The following ZNF428 variants were observed in gnomAD, a reference collection of about 807,000 sequenced individuals.
ZNF428 encodes the protein enzyme-like protein PIT13.
Under a neutral mutation model 15.6 loss-of-function variants are expected in ZNF428, and 5 were observed. That is an observed-to-expected ratio of 0.32 (90% CI 0.17 to 0.67). ZNF428 has a LOEUF of 0.67. Ranked by LOEUF, ZNF428 falls within the 30% of genes least tolerant of loss-of-function variation. ZNF428 has a pLI of 0.73. For synonymous variants in ZNF428, 97 were observed against 102.2 expected, an observed-to-expected ratio of 0.95 and a Z score of 0.31; for missense variants, 237 against 256.0, an observed-to-expected ratio of 0.93 and a Z score of 0.51.
chr19:43,612,046 C>A lies in ZNF428; in HGVS notation c.76+2183G>T. Reference sequence around the variant, plus strand: ...ACACAGTTGGCCTGTGACAGGCAATCAGGTCATCGTCCACGGCTACCAGGT... The same window carrying A: ...ACACAGTTGGCCTGTGACAGGCAATAAGGTCATCGTCCACGGCTACCAGGT... On this transcript the variant is annotated intron_variant, in intron 2 of 2. Coordinates refer to ENST00000300811, the MANE Select transcript of ZNF428 (RefSeq NM_182498.4). This position sits in a 1 kb window ranked among gnomAD's most constrained non-coding sequence, Gnocchi z 4.2. The A allele has an allele frequency of 8.8e-7, 1 of 1,130,490 alleles. No individual in the cohort carries two copies. The highest frequency in any genetic ancestry group is 1.3e-6 in the Non-Finnish European group (1 of 778,310). The allele number at this position is 1,130,490 out of a possible 1,614,324, so 70.0% of individuals were successfully genotyped here.
chr19:43,613,709 G>A (rs1472039888), intron 2 of ZNF428: 6 of 1,551,310 alleles, frequency 3.9e-6, no homozygotes, highest in Non-Finnish European at 5.2e-6. Flanking sequence ...CCCCAGCAAG[G>A]AGAGACAGCG....
chr19:43,613,026 T>G (rs748184399), intron 2 of ZNF428: 1 of 1,550,260 alleles, frequency 6.5e-7, no homozygotes, highest in South Asian at 1.2e-5. Context: ...CACAGCAGAG[T>G]GAGAAGTCAC....
At position 43,612,793 on chromosome 19, in the gene ZNF428, A is replaced by G; in HGVS notation, c.76+1436T>C. ...CAGCCAAGTGTCAAACCCCGACTGG[A>G]ATTCCCTCCAAGGAGAAGAGTGACA... On this transcript the variant is annotated intron_variant, in intron 2 of 2. Transcript: ENST00000300811. This position sits in a 1 kb window ranked among gnomAD's most constrained non-coding sequence, Gnocchi z 4.2. The G allele has an allele frequency of 6.4e-7, 1 of 1,551,664 alleles. No individual in the cohort carries two copies. The highest frequency in any genetic ancestry group is 2.4e-5 in the East Asian group (1 of 40,920).
Position 43,612,792 on chromosome 19 carries a change from G to A in ZNF428, c.76+1437C>T, listed in dbSNP as rs1973316446. 12 of 1,551,606 alleles carry A rather than the reference G, an allele frequency of 7.7e-6. No individual in the cohort carries two copies. Among genetic ancestry groups the A allele is most frequent in the Non-Finnish European group, 1.0e-5 (12 of 1,146,974 alleles). On this transcript the variant is annotated intron_variant, in intron 2 of 2. Coordinates refer to ENST00000300811, the MANE Select transcript of ZNF428 (RefSeq NM_182498.4). The surrounding 1 kb of genome is among the most constrained non-coding windows in gnomAD (Gnocchi z 4.2). ...ACAGCCAAGTGTCAAACCCCGACTG[G>A]AATTCCCTCCAAGGAGAAGAGTGAC...
chr19:43,614,039 G>A (rs34163641), intron 2 of ZNF428, 190 bp downstream of exon 2: 394,857 of 1,551,878 alleles, frequency 0.25, 51,254 homozygotes, highest in South Asian at 0.27. Context: ...CAAGGAGAGC[G>A]ACCCCAGTCA....
rs1045685759 is a variant in ZNF428 at position 43,614,450 on chromosome 19, G to T, written c.-130-16C>A. ...GAGAGGGATGCTGGATAGGGGGAAA[G>T]GAAAGACCTGTGATGATTCAATAAA... On this transcript the variant is annotated splice_polypyrimidine_tract_variant and intron_variant, in intron 1 of 2. Transcript: ENST00000300811. 1.4e-6 allele frequency: 2 copies of T among 1,439,554 alleles called. No homozygotes were observed. The highest frequency in any genetic ancestry group is 2.9e-5 in the African/African-American group (2 of 69,736). The allele number at this position is 1,439,554 out of a possible 1,614,324, so 89.2% of individuals were successfully genotyped here. A position where few individuals can be genotyped will look rare whatever the true frequency, so the allele number is the denominator to read the frequency against.
At chr19:43,609,230 T>G (rs1973270588) in intron 2 of ZNF428, among the ~76,000 whole-genome samples, 1 of 152,172 alleles carries the variant, frequency 6.6e-6, no homozygotes, top group Non-Finnish European at 1.5e-5. Flanking sequence ...TACACAGCTC[T>G]GGCAGGAAAA....
In ZNF428 at chr19:43,612,872, C is replaced by T. The variant is rs1348847721; in HGVS notation, c.76+1357G>A. 17 of 1,551,636 alleles carry T rather than the reference C, an allele frequency of 1.1e-5. No homozygotes were observed. Among genetic ancestry groups the T allele is most frequent in the Middle Eastern group, 1.7e-4 (1 of 5,992 alleles). ...GAAGAGCTACGGTCAGATGATCATC[C>T]CCAGTAGGGAAAAGAGTTACAGCCC... is the stretch of plus-strand genomic sequence containing the variant. On this transcript the variant is annotated intron_variant, in intron 2 of 2. Coordinates refer to ENST00000300811, the MANE Select transcript of ZNF428 (RefSeq NM_182498.4). This position sits in a 1 kb window ranked among gnomAD's most constrained non-coding sequence, Gnocchi z 4.2.
At chr19:43,608,302 T>C (rs1348830148) in intron 2 of ZNF428, among the ~76,000 whole-genome samples, 195 bp from the exon 3 acceptor site, 1 of 152,142 alleles carries the variant, frequency 6.6e-6, no homozygotes, top group Admixed American at 6.5e-5. Context: ...CCCTGTATCT[T>C]TGTGTCAAGC....
intron 1 of ZNF428, among the ~76,000 whole-genome samples, chr19:43,615,406 A>G (rs1280253184): frequency 6.6e-6 from 1 of 152,072 alleles, no homozygotes; most frequent in Non-Finnish European, 1.5e-5. Context: ...TTTTTTAAAA[A>G]AATAAAAATA....
At chr19:43,611,365 G>A (rs1428819068) in intron 2 of ZNF428, among the ~76,000 whole-genome samples, 1 of 151,912 alleles carries the variant, frequency 6.6e-6, no homozygotes, top group Admixed American at 6.6e-5. Context: ...TGTCACCCAG[G>A]CTGGCGTGCA....
At chr19:43,614,490 C>A in intron 1 of ZNF428, 56 bp from the exon 2 acceptor site, 1 of 1,412,238 alleles carries the variant, frequency 7.1e-7, no homozygotes, top group Non-Finnish European at 9.2e-7. Context: ...TACATAGCAC[C>A]CATCCCCACC....
rs1444854633 is a variant in ZNF428, at chr19:43,607,979, G to T, written c.205C>A (p.Gln69Lys). ...CCACCACGGCCCCCGCCAAGGCGCTGCTTCACCTTGTAGCCAGGATCATAT... is the reference window on the plus strand; with the variant it reads ...CCACCACGGCCCCCGCCAAGGCGCTTCTTCACCTTGTAGCCAGGATCATAT... ...PEYDPGYKVK[Q>K]RLGGGRGGPS... is the part of the protein sequence containing the mutation. The change falls in exon 3 of 3, where the codon CAG (glutamine) becomes AAG (lysine). Residue 69 changes from glutamine to lysine, a missense_variant. Coordinates refer to ENST00000300811, the MANE Select transcript of ZNF428 (RefSeq NM_182498.4). This position sits in a 1 kb window ranked among gnomAD's most constrained non-coding sequence, Gnocchi z 5.1. 1.2e-6 allele frequency: 2 copies of T among 1,609,518 alleles called. No individual in the cohort carries two copies. The highest frequency in any genetic ancestry group is 8.5e-7 in the Non-Finnish European group (1 of 1,178,198).
intron 2 of ZNF428, 133 bp from the exon 3 acceptor site, chr19:43,608,240 TC>T: frequency 8.3e-7 from 1 of 1,200,948 alleles, no homozygotes; most frequent in Non-Finnish European, 1.2e-6. Flanking sequence ...ACCCTTCCCT[TC>T]CCCACAGATG....
chr19:43,612,656 A>G lies in ZNF428; in HGVS notation c.76+1573T>C. 6.4e-7 allele frequency: 1 copy of G among 1,551,464 alleles called. No homozygotes were observed. Among genetic ancestry groups the G allele is most frequent in the Non-Finnish European group, 8.7e-7 (1 of 1,146,982 alleles). ...AAAGAGTTACGGCCGGCCTAGAACCAGCAACAGGGAAAGGAGTGACAGCCA... is the reference window on the plus strand; with the variant it reads ...AAAGAGTTACGGCCGGCCTAGAACCGGCAACAGGGAAAGGAGTGACAGCCA... On this transcript the variant is annotated intron_variant, in intron 2 of 2. Coordinates refer to ENST00000300811, the MANE Select transcript of ZNF428 (RefSeq NM_182498.4). This position sits in a 1 kb window ranked among gnomAD's most constrained non-coding sequence, Gnocchi z 4.2.
At chr19:43,615,580 CTTAT>C (rs1264849277) in intron 1 of ZNF428, among the ~76,000 whole-genome samples, 1 of 151,316 alleles carries the variant, frequency 6.6e-6, no homozygotes, top group Non-Finnish European at 1.5e-5. Flanking sequence ...GTGGCATGTG[CTTAT>C]AGTCCCAGCT....
Position 43,608,635 on chromosome 19 carries a change from A to G in ZNF428, c.77-528T>C, listed in dbSNP as rs114009369. On this transcript the variant is annotated intron_variant, in intron 2 of 2. Transcript: ENST00000300811. ...GACAGAGTGAGACCTCACCACTTAA[A>G]AAGAATTTTTTTGGCCGGGCGCGGT... 8.0e-3 allele frequency: 1,209 copies of G among 151,454 alleles called. 11 individuals are homozygous for G. Among genetic ancestry groups the G allele is most frequent in the African/African-American group, 0.028 (1,148 of 40,880 alleles). 9.4% of individuals were successfully genotyped at this position (151,454 alleles called of 1,614,324 possible). A position where few individuals can be genotyped will look rare whatever the true frequency, so the allele number is the denominator to read the frequency against.
At chr19:43,613,668 G>A (rs1396703274) in intron 2 of ZNF428, 2 of 1,549,894 alleles carry the variant, frequency 1.3e-6, no homozygotes, top group South Asian at 2.4e-5. Context: ...AGAAGCTCCA[G>A]CAAAGAGAGA....
At position 43,612,644 on chromosome 19, in the gene ZNF428, C is replaced by T. The variant is rs781735819; in HGVS notation, c.76+1585G>A. On this transcript the variant is annotated intron_variant, in intron 2 of 2. Coordinates refer to ENST00000300811, the MANE Select transcript of ZNF428 (RefSeq NM_182498.4). This position sits in a 1 kb window ranked among gnomAD's most constrained non-coding sequence, Gnocchi z 4.2. ...AGGGAGCCGGGGAAAGAGTTACGGC[C>T]GGCCTAGAACCAGCAACAGGGAAAG... 1.1e-5 allele frequency: 17 copies of T among 1,551,290 alleles called. No homozygotes were observed. In the Admixed American group the frequency reaches 1.2e-4, roughly 11 times the overall value.
Sources: allele counts gnomAD v4.1 joint callset (sites outside exome capture counted in the v4.1 genomes callset), GRCh38; gene constraint gnomAD v4.1.1; non-coding constraint Gnocchi (gnomAD v3.1); transcripts MANE v1.5; gene names NCBI Gene and HGNC (gene_info 2026-07-23, HGNC 2026-07-21).